MAPK10: variants seen among roughly 807,000 people sequenced by gnomAD.
The protein encoded by MAPK10 is JNK3 alpha protein kinase.
A neutral mutation model predicts 59.3 loss-of-function variants in MAPK10; 25 were observed. The ratio of observed to expected loss-of-function variants is 0.42; its 90% CI spans 0.31 to 0.59. MAPK10 has a LOEUF of 0.59. Among genes scored for constraint, MAPK10 ranks in the 20% least tolerant of loss-of-function variants. The probability of loss-of-function intolerance (pLI) is 0.15; values close to 1 mark genes in which losing one functional copy is unlikely to be tolerated. For synonymous variants in MAPK10, 190 were observed against 200.5 expected (o/e 0.95, Z 0.44); for missense variants, 351 against 568.9 (o/e 0.62, Z 3.90).
intron 9 of MAPK10, among the ~76,000 whole-genome samples, chr4:86,087,370 A>C (rs1290088692): frequency 6.6e-6 from 1 of 152,184 alleles, no homozygotes; most frequent in East Asian, 1.9e-4. Context: ...CAAAACTTAA[A>C]GACAATTTCA....
At chr4:86,429,456 TTC>T (rs1332968563) in intron 1 of MAPK10, among the ~76,000 whole-genome samples, 2 of 152,210 alleles carry the variant, frequency 1.3e-5, no homozygotes, top group Non-Finnish European at 2.9e-5. Context: ...CTGTTTATTA[TTC>T]TGTTATTATC....
At chr4:86,537,818 A>G (rs868314563) in intron 1 of MAPK10, among the ~76,000 whole-genome samples, 3 of 152,150 alleles carry the variant, frequency 2.0e-5, no homozygotes, top group Non-Finnish European at 4.4e-5. Context: ...AATGGCCATT[A>G]TTAATTTTAA....
intron 1 of MAPK10, chr4:86,542,440 T>G (rs917549888): frequency 6.6e-6 from 1 of 152,574 alleles, no homozygotes; most frequent in African/African-American, 2.4e-5. Context: ...CTGGACACAG[T>G]GGTGTGTACC....
chr4:86,081,574 A>G (rs1007394473), intron 9 of MAPK10: 18 of 152,120 alleles, frequency 1.2e-4, no homozygotes, highest in African/African-American at 4.3e-4. Flanking sequence ...AGGGAAAATA[A>G]TAGTGGCCAA....
At chr4:86,521,681 G>A (rs1454505599) in intron 1 of MAPK10, among the ~76,000 whole-genome samples, 2 of 152,100 alleles carry the variant, frequency 1.3e-5, no homozygotes, top group Non-Finnish European at 2.9e-5. Context: ...TATATAGGCA[G>A]CTGGTGGGCA....
chr4:86,350,747 C>T (rs979649235), intron 2 of MAPK10, among the ~76,000 whole-genome samples: 7 of 152,084 alleles, frequency 4.6e-5, no homozygotes, highest in African/African-American at 1.7e-4. Flanking sequence ...GTAACAACTG[C>T]AAATCAAATA....
At chr4:86,365,690 T>C (rs1315886767) in intron 1 of MAPK10, among the ~76,000 whole-genome samples, 1 of 152,124 alleles carries the variant, frequency 6.6e-6, no homozygotes, top group Non-Finnish European at 1.5e-5. Flanking sequence ...TATACAATAT[T>C]AAAGCAGGTA....
At chr4:86,384,787 T>A (rs1484391935) in intron 1 of MAPK10, among the ~76,000 whole-genome samples, 1 of 152,200 alleles carries the variant, frequency 6.6e-6, no homozygotes, top group Non-Finnish European at 1.5e-5. Flanking sequence ...TTATGACAAC[T>A]CTGTTTGCAA....
chr4:86,417,878 T>C (rs1746047039), intron 1 of MAPK10, among the ~76,000 whole-genome samples: 1 of 152,226 alleles, frequency 6.6e-6, no homozygotes, highest in African/African-American at 2.4e-5. Context: ...AGGAGAATTT[T>C]AGAAAAAATA....
chr4:86,113,862 G>A (rs1391883090), intron 4 of MAPK10, among the ~76,000 whole-genome samples: 1 of 152,146 alleles, frequency 6.6e-6, no homozygotes, highest in Non-Finnish European at 1.5e-5. Context: ...TCAGTCATAT[G>A]TTCGGTCTTT....
intron 2 of MAPK10, among the ~76,000 whole-genome samples, chr4:86,307,937 G>T (rs1348181121): frequency 1.3e-5 from 2 of 152,104 alleles, no homozygotes; most frequent in African/African-American, 2.4e-5. Flanking sequence ...GCAATGAATG[G>T]GTCCTAAGCT....
chr4:86,531,969 G>A (rs1471989851), intron 1 of MAPK10, among the ~76,000 whole-genome samples: 1 of 151,742 alleles, frequency 6.6e-6, no homozygotes, highest in Non-Finnish European at 1.5e-5. Context: ...TAGAAGGATT[G>A]CTTGAGACCA....
At chr4:86,359,445 C>CCATTTGGA (rs1355486021) in intron 1 of MAPK10, among the ~76,000 whole-genome samples, 1 of 151,562 alleles carries the variant, frequency 6.6e-6, no homozygotes, top group Non-Finnish European at 1.5e-5. Flanking sequence ...GGAAAGGTTT[C>CCATTTGGA]AACACGCCCA....
rs767058533 is a variant in MAPK10, at chr4:86,083,289, T to C, written c.802+15235A>G. ...GTATCTGGTTTTAATTCCACATTGCTGAAAGAAGCACTGAAGAGGCAGGAG... is the reference window on the plus strand; with the variant it reads ...GTATCTGGTTTTAATTCCACATTGCCGAAAGAAGCACTGAAGAGGCAGGAG... On this transcript the variant is annotated intron_variant, in intron 9 of 13. Transcript: ENST00000641462. Among the ~76,000 whole-genome samples the C allele has an allele frequency of 2.3e-4, 35 of 152,092 alleles. 1 individual carries two copies. Among genetic ancestry groups the C allele is most frequent in the Admixed American group, 1.7e-3 (26 of 15,274 alleles).
intron 1 of MAPK10, among the ~76,000 whole-genome samples, chr4:86,449,780 T>G (rs1477445085): frequency 6.6e-6 from 1 of 152,258 alleles, no homozygotes; most frequent in Non-Finnish European, 1.5e-5. Context: ...TTACATTATA[T>G]GAGACTTCAT....
chr4:86,262,231 C>T (rs1342481563), intron 2 of MAPK10, among the ~76,000 whole-genome samples: 1 of 152,152 alleles, frequency 6.6e-6, no homozygotes, highest in Non-Finnish European at 1.5e-5. Context: ...TCCTCCCCCT[C>T]CCCTCTCTCA....
At chr4:86,582,744 G>A (rs1762389669) in intron 1 of MAPK10, among the ~76,000 whole-genome samples, 1 of 152,104 alleles carries the variant, frequency 6.6e-6, no homozygotes, top group Non-Finnish European at 1.5e-5. Context: ...TAATTTGATA[G>A]GACACTTTCT....
At chr4:86,189,747 T>C (rs116313823) in intron 3 of MAPK10, among the ~76,000 whole-genome samples, 2,406 of 152,278 alleles carry the variant, frequency 0.016, 76 homozygotes, top group African/African-American at 0.055. Flanking sequence ...TATTTCATTC[T>C]CTTGCCTGAT....
intron 11 of MAPK10, among the ~76,000 whole-genome samples, chr4:86,050,168 G>A (rs1006865995): frequency 6.6e-6 from 1 of 152,052 alleles, no homozygotes; most frequent in African/African-American, 2.4e-5. Context: ...GGTCCCATTT[G>A]AGGCTTTTCT....
Sources: gnomAD v4.1 joint callset for allele counts (sites outside exome capture counted in the v4.1 genomes callset) on GRCh38, gnomAD v4.1.1 for gene constraint, MANE v1.5 for transcripts, NCBI Gene and HGNC (gene_info 2026-07-23, HGNC 2026-07-21) for gene names.